SENP7: variants seen among roughly 807,000 people sequenced by gnomAD.
The protein encoded by SENP7 is sentrin-specific protease 7.
Under a neutral mutation model 141.2 loss-of-function variants are expected in SENP7, and 64 were observed. That is an observed-to-expected ratio of 0.45 (90% CI 0.37 to 0.56). SENP7 has a LOEUF of 0.56. SENP7 is among the 20% of genes least tolerant of loss of function. The pLI is 0.00. For missense variants in SENP7, 1,025 were observed against 1,212.2 expected (o/e 0.85, Z 2.29); for synonymous variants, 382 against 426.4 (o/e 0.90, Z 1.28).
intron 4 of SENP7, among the ~76,000 whole-genome samples, chr3:101,418,655 CAT>C (rs952762284): frequency 6.1e-5 from 9 of 148,268 alleles, no homozygotes; most frequent in African/African-American, 1.2e-4. Flanking sequence ...AATATGTTCA[CAT>C]ATTTTCAAGA....
chr3:101,461,116 T>C (rs1439615688), intron 3 of SENP7, among the ~76,000 whole-genome samples: 1 of 151,002 alleles, frequency 6.6e-6, no homozygotes, highest in African/African-American at 2.4e-5. Flanking sequence ...GAAATGCAAA[T>C]CCAAACCAAA....
intron 6 of SENP7, among the ~76,000 whole-genome samples, chr3:101,373,035 G>C (rs903020270): frequency 6.6e-6 from 1 of 152,050 alleles, no homozygotes; most frequent in Admixed American, 6.5e-5. Context: ...TACACGTAAT[G>C]CTTCCTTGTT....
intron 11 of SENP7, chr3:101,358,693 G>A (rs192645915): frequency 6.2e-6 from 1 of 161,280 alleles, no homozygotes; most frequent in Admixed American, 6.1e-5. Flanking sequence ...GGAGGGCAAT[G>A]GCATGATTTC....
intron 6 of SENP7, among the ~76,000 whole-genome samples, chr3:101,374,673 G>T (rs1261502768): frequency 2.0e-5 from 3 of 150,628 alleles, no homozygotes; most frequent in African/African-American, 7.3e-5. Context: ...AGCTACTCAG[G>T]AAGCTGAGGG....
chr3:101,330,840 C>G (rs1316217437), intron 19 of SENP7, among the ~76,000 whole-genome samples: 1 of 152,118 alleles, frequency 6.6e-6, no homozygotes, highest in Non-Finnish European at 1.5e-5. Flanking sequence ...GGGTTTTGGC[C>G]AGTATTAATG....
intron 20 of SENP7, 133 bp downstream of exon 20, chr3:101,330,201 C>A: frequency 1.8e-6 from 1 of 548,894 alleles, no homozygotes; most frequent in Non-Finnish European, 3.2e-6. Flanking sequence ...CCCACAAAAA[C>A]TGTCAAAGAA....
At chr3:101,368,054 G>A (rs780173354) in intron 7 of SENP7, 43 bp from the exon 8 acceptor site, 2 of 1,483,316 alleles carry the variant, frequency 1.3e-6, no homozygotes, top group Non-Finnish European at 1.8e-6. Context: ...AAAAAGTATA[G>A]AGAGAATCTC....
intron 6 of SENP7, among the ~76,000 whole-genome samples, chr3:101,388,549 A>G (rs1445367026): frequency 2.0e-5 from 3 of 152,236 alleles, no homozygotes; most frequent in Non-Finnish European, 2.9e-5. Flanking sequence ...CTGTTCAACC[A>G]GATGTGCAGA....
intron 5 of SENP7, among the ~76,000 whole-genome samples, chr3:101,417,134 A>T (rs1233892829): frequency 6.6e-6 from 1 of 152,162 alleles, no homozygotes; most frequent in African/African-American, 2.4e-5. Context: ...TTAAAAATTC[A>T]TTTAAAATAC....
At position 101,326,099 on chromosome 3, in the gene SENP7, G is replaced by C. The variant is rs2058891464; in HGVS notation, c.3016-19C>G. 1 of 1,553,070 alleles carries C rather than the reference G, an allele frequency of 6.4e-7. No individual in the cohort carries two copies. Among genetic ancestry groups the C allele is most frequent in the African/African-American group, 1.4e-5 (1 of 71,840 alleles). On this transcript the variant is annotated intron_variant, in intron 23 of 23. Coordinates refer to ENST00000394095, the MANE Select transcript of SENP7 (RefSeq NM_020654.5). Reference sequence around the variant, plus strand: ...TAGGATCCTAATGAGAGGAAAAAAAGAGTGTAATCACTTTAGCAGCATAAT... The same window carrying C: ...TAGGATCCTAATGAGAGGAAAAAAACAGTGTAATCACTTTAGCAGCATAAT...
rs976412860 is a variant in SENP7 at position 101,455,158 on chromosome 3, T to C, written c.284+3797A>G. Among the ~76,000 whole-genome samples the C allele has an allele frequency of 2.0e-5, 3 of 152,274 alleles. No individual in the cohort carries two copies. The East Asian group carries it at 5.8e-4, about 29-fold the overall frequency. On this transcript the variant is annotated intron_variant, in intron 4 of 23. Transcript: ENST00000394095. ...GTGTATTTTTGTTGTTTGATTTCCC[T>C]TAGCACAGCAGCGATTTATAAAATG...
At chr3:101,433,838 C>T (rs1425779743) in intron 4 of SENP7, among the ~76,000 whole-genome samples, 2 of 152,124 alleles carry the variant, frequency 1.3e-5, no homozygotes, top group African/African-American at 2.4e-5. Context: ...TTCAGCACCC[C>T]ACTTTCAGCA....
At chr3:101,487,248 C>A (rs1003988322) in intron 3 of SENP7, among the ~76,000 whole-genome samples, 3 of 152,036 alleles carry the variant, frequency 2.0e-5, no homozygotes, top group Non-Finnish European at 4.4e-5. Context: ...TGGATTTAAA[C>A]CATACCTTAA....
intron 10 of SENP7, among the ~76,000 whole-genome samples, chr3:101,363,535 A>C (rs1369874181): frequency 6.6e-6 from 1 of 152,224 alleles, no homozygotes; most frequent in Non-Finnish European, 1.5e-5. Context: ...TGATCATTTC[A>C]TACTACATTG....
At chr3:101,457,415 G>A (rs985795510) in intron 4 of SENP7, 28 of 1,541,216 alleles carry the variant, frequency 1.8e-5, no homozygotes, top group Non-Finnish European at 1.7e-5. Flanking sequence ...GGTTTAAGAT[G>A]TTGGGTAGCA....
intron 4 of SENP7, among the ~76,000 whole-genome samples, chr3:101,434,731 A>G (rs973796160): frequency 6.6e-6 from 1 of 152,138 alleles, no homozygotes; most frequent in Non-Finnish European, 1.5e-5. Context: ...AAGAAATCCA[A>G]AATCTGAACA....
intron 3 of SENP7, among the ~76,000 whole-genome samples, chr3:101,485,400 G>C (rs535226566): frequency 6.6e-6 from 1 of 152,160 alleles, no homozygotes; most frequent in South Asian, 2.1e-4. Context: ...TGGTATCCAC[G>C]GCTGAGAGAT....
At chr3:101,347,178 T>C (rs1464927358) in intron 13 of SENP7, 1 of 151,728 alleles carries the variant, frequency 6.6e-6, no homozygotes, top group Non-Finnish European at 1.5e-5. Context: ...GCTATGAACA[T>C]GCCACTGTAC....
rs1049401744 is a variant in SENP7 at position 101,358,230 on chromosome 3, A to C, written c.1623+3485T>G. ...GTTTAGTCAAGCCTCACTAAACATAAGAGAACTCATACTAGAGAGAAACCT... is the reference window on the plus strand; with the variant it reads ...GTTTAGTCAAGCCTCACTAAACATACGAGAACTCATACTAGAGAGAAACCT... On this transcript the variant is annotated intron_variant, in intron 11 of 23. Transcript: ENST00000394095. 12 of 874,040 alleles carry C rather than the reference A, an allele frequency of 1.4e-5. 1 individual carries two copies. In the Admixed American group the frequency reaches 2.4e-4, roughly 18 times the overall value. 54.1% of individuals were successfully genotyped at this position (874,040 alleles called of 1,614,324 possible).
Sources: gnomAD v4.1 joint callset for allele counts (sites outside exome capture counted in the v4.1 genomes callset) on GRCh38, gnomAD v4.1.1 for gene constraint, MANE v1.5 for transcripts, NCBI Gene and HGNC (gene_info 2026-07-23, HGNC 2026-07-21) for gene names.